Variants in IL1RAPL1 observed in about 807,000 individuals in gnomAD.
IL1RAPL1 encodes interleukin-1 receptor accessory protein-like 1.
A neutral mutation model predicts 48.4 loss-of-function variants in IL1RAPL1; 3 were observed. The ratio of observed to expected loss-of-function variants is 0.06; its 90% CI spans 0.03 to 0.16. The LOEUF (loss-of-function observed/expected upper bound fraction) is 0.16, where lower values mean the gene tolerates loss of function less well. IL1RAPL1 is among the 10% of genes least tolerant of loss of function. The pLI is 1.00. For synonymous variants in IL1RAPL1, 185 were observed against 187.7 expected, an observed-to-expected ratio of 0.99 and a Z score of 0.12; for missense variants, 349 against 530.6, an observed-to-expected ratio of 0.66 and a Z score of 3.36.
chrX:29,321,526 C>T (rs764615781), intron 3 of IL1RAPL1, among the ~76,000 whole-genome samples: 32 of 111,985 alleles, frequency 2.9e-4, no homozygotes, highest in African/African-American at 9.4e-4. Context: ...TACTGTTTTT[C>T]GTATGTTTGA....
chrX:29,106,322 C>T (rs549776903), intron 2 of IL1RAPL1, among the ~76,000 whole-genome samples: 2 of 111,411 alleles, frequency 1.8e-5, no homozygotes, highest in Non-Finnish European at 3.8e-5. Flanking sequence ...CTTTCCATCA[C>T]CCCTTTGCCA....
intron 2 of IL1RAPL1, among the ~76,000 whole-genome samples, chrX:29,155,581 C>T (rs1929552805): frequency 1.8e-5 from 2 of 111,823 alleles, no homozygotes; most frequent in African/African-American, 6.5e-5. Context: ...AGTGGATGAC[C>T]TTTCTTATGC....
At chrX:29,231,084 G>A (rs761649006) in intron 2 of IL1RAPL1, among the ~76,000 whole-genome samples, 1 of 112,248 alleles carries the variant, frequency 8.9e-6, no homozygotes, top group Non-Finnish European at 1.9e-5. Context: ...TTCACTACCT[G>A]GATTCTTCTC....
intron 2 of IL1RAPL1, among the ~76,000 whole-genome samples, chrX:29,137,740 AAT>A (rs1285431097): frequency 1.8e-5 from 2 of 112,410 alleles, no homozygotes; most frequent in Non-Finnish European, 3.8e-5. Context: ...TTACTTGAAA[AAT>A]ATATTTTCTT....
chrX:28,901,918 T>C (rs947277965), intron 2 of IL1RAPL1, among the ~76,000 whole-genome samples: 12 of 111,613 alleles, frequency 1.1e-4, no homozygotes, highest in African/African-American at 3.9e-4. Flanking sequence ...GGTTAGTTTA[T>C]ATATAACCCA....
At chrX:29,661,211 GT>G (rs746072375) in intron 5 of IL1RAPL1, among the ~76,000 whole-genome samples, 66 of 112,477 alleles carry the variant, frequency 5.9e-4, no homozygotes, top group African/African-American at 2.0e-3. Context: ...AAATCTAAGA[GT>G]TTTTTGGTGG....
At chrX:28,792,736 C>T (rs1297556081) in intron 2 of IL1RAPL1, among the ~76,000 whole-genome samples, 2 of 78,339 alleles carry the variant, frequency 2.6e-5, no homozygotes, top group African/African-American at 1.0e-4. Flanking sequence ...CGCAGTGAGT[C>T]GAGATCACGC....
intron 5 of IL1RAPL1, among the ~76,000 whole-genome samples, chrX:29,656,434 C>A: frequency 9.1e-6 from 1 of 110,376 alleles, no homozygotes; most frequent in East Asian, 2.8e-4. Context: ...ATCCTTCCCC[C>A]AACTCCCCAG....
intron 3 of IL1RAPL1, among the ~76,000 whole-genome samples, chrX:29,346,168 T>C (rs1384648350): frequency 8.9e-6 from 1 of 112,439 alleles, no homozygotes; most frequent in African/African-American, 3.2e-5. Context: ...AGGACCATTA[T>C]GATTACATTG....
At chrX:29,918,144 AAT>A (rs748970921) in intron 7 of IL1RAPL1, among the ~76,000 whole-genome samples, 251 of 23,746 alleles carry the variant, frequency 0.011, 8 homozygotes, top group African/African-American at 0.02. Flanking sequence ...AAAAAAAAAA[AAT>A]ATATATATAT....
chrX:28,928,150 C>T (rs769946521), intron 2 of IL1RAPL1, among the ~76,000 whole-genome samples: 50 of 110,838 alleles, frequency 4.5e-4, no homozygotes, highest in Non-Finnish European at 8.5e-4. Context: ...CATTATGACC[C>T]GATGACTAAA....
intron 1 of IL1RAPL1, among the ~76,000 whole-genome samples, chrX:28,737,356 A>G (rs972899742): frequency 9.3e-6 from 1 of 107,462 alleles, no homozygotes; most frequent in East Asian, 2.9e-4. Context: ...TCCCAGACTT[A>G]AGTGATTCTC....
At position 29,326,628 on chromosome X, in the gene IL1RAPL1, T is replaced by C. The variant is rs1236679381; in HGVS notation, c.362+43411T>C. ...AAAAGAGATAATCATTTAATTTATGTTTTAAATATCTATACTGACTTGTTT... is the reference window on the plus strand; with the variant it reads ...AAAAGAGATAATCATTTAATTTATGCTTTAAATATCTATACTGACTTGTTT... On this transcript the variant is annotated intron_variant, in intron 3 of 10. Transcript: ENST00000378993. Among the ~76,000 whole-genome samples the C allele has an allele frequency of 2.7e-5, 3 of 112,468 alleles. No individual in the cohort carries two copies. In the South Asian group the frequency reaches 1.1e-3, roughly 41 times the overall value.
At position 28,816,637 on chromosome X, in the gene IL1RAPL1, C is replaced by G. The variant is rs958161672; in HGVS notation, c.82+27212C>G. Among the ~76,000 whole-genome samples, 7 of 110,986 alleles carry G rather than the reference C, an allele frequency of 6.3e-5. No individual in the cohort carries two copies. In the Admixed American group the frequency reaches 6.7e-4, roughly 11 times the overall value. On this transcript the variant is annotated intron_variant, in intron 2 of 10. Transcript: ENST00000378993. ...TATGTAACATTTTCTTTATCCAATC[C>G]ACCATTGATGGGCACCTAGGTTGTT...
chrX:29,421,183 A>G, intron 5 of IL1RAPL1, among the ~76,000 whole-genome samples: 1 of 112,094 alleles, frequency 8.9e-6, no homozygotes, highest in East Asian at 2.8e-4. Flanking sequence ...TTGTCACATG[A>G]CCAGGAAAGA....
At chrX:29,179,936 C>G (rs1260830111) in intron 2 of IL1RAPL1, among the ~76,000 whole-genome samples, 11 of 110,748 alleles carry the variant, frequency 9.9e-5, no homozygotes, top group African/African-American at 3.3e-4. Context: ...ATTTGCATTT[C>G]TAAGTTTTCC....
intron 2 of IL1RAPL1, among the ~76,000 whole-genome samples, chrX:29,144,893 A>AT (rs778675975): frequency 3.7e-5 from 4 of 106,871 alleles, no homozygotes; most frequent in East Asian, 3.0e-4. Context: ...TGCCTGGCTT[A>AT]TTTTTTTGTA....
At position 29,152,695 on chromosome X, in the gene IL1RAPL1, G is replaced by A. The variant is rs953675455; in HGVS notation, c.83-130243G>A. Among the ~76,000 whole-genome samples, 5 of 111,912 alleles carry A rather than the reference G, an allele frequency of 4.5e-5. No homozygotes were observed. The East Asian group carries it at 8.4e-4, about 19-fold the overall frequency. On this transcript the variant is annotated intron_variant, in intron 2 of 10. Transcript: ENST00000378993. ...AAATGTAACAGCCTGTGAACTCTTC[G>A]TTGTTCAAAGAAAACAGAAAAATTC...
At chrX:29,790,400 A>G (rs1929602903) in intron 6 of IL1RAPL1, among the ~76,000 whole-genome samples, 1 of 111,857 alleles carries the variant, frequency 8.9e-6, no homozygotes, top group South Asian at 3.7e-4. Flanking sequence ...TCCTTTTAAA[A>G]TCATCTTGAA....
Sources: allele counts gnomAD v4.1 joint callset (sites outside exome capture counted in the v4.1 genomes callset), GRCh38; gene constraint gnomAD v4.1.1; transcripts MANE v1.5; gene names NCBI Gene and HGNC (gene_info 2026-07-23, HGNC 2026-07-21).